The following LHCGR variants were observed in gnomAD, a reference collection of about 807,000 sequenced individuals.
LHCGR encodes the protein lutropin-choriogonadotropic hormone receptor.
Under a neutral mutation model 60.7 loss-of-function variants are expected in LHCGR, and 55 were observed. The ratio of observed to expected loss-of-function variants is 0.91; its 90% CI spans 0.73 to 1.13. LHCGR has a LOEUF of 1.13. LHCGR is among the 50% of genes most tolerant of loss of function. The pLI, the probability that LHCGR is intolerant of heterozygous loss-of-function variation, is 0.00. For synonymous variants in LHCGR, 337 were observed against 316.5 expected, an observed-to-expected ratio of 1.06 and a Z score of -0.69; for missense variants, 862 against 836.0, an observed-to-expected ratio of 1.03 and a Z score of -0.38.
intron 1 of LHCGR, among the ~76,000 whole-genome samples, chr2:48,750,810 C>T (rs576986365): frequency 6.6e-6 from 1 of 152,300 alleles, no homozygotes; most frequent in East Asian, 1.9e-4. Context: ...AGGAATTTCC[C>T]CCTGCCCCCT....
At chr2:48,706,128 G>A (rs751020586) in intron 8 of LHCGR, among the ~76,000 whole-genome samples, 2 of 152,138 alleles carry the variant, frequency 1.3e-5, no homozygotes, top group Non-Finnish European at 2.9e-5. Flanking sequence ...GTCTGTAAAG[G>A]ATTTTATTTC....
intron 1 of LHCGR, among the ~76,000 whole-genome samples, chr2:48,743,944 C>T (rs1478390565): frequency 6.7e-6 from 1 of 150,158 alleles, no homozygotes; most frequent in African/African-American, 2.5e-5. Context: ...TCTAGAAAAC[C>T]CCATTGTCTC....
intron 1 of LHCGR, among the ~76,000 whole-genome samples, chr2:48,749,313 C>G (rs1161098366): frequency 6.6e-6 from 1 of 152,140 alleles, no homozygotes; most frequent in African/African-American, 2.4e-5. Flanking sequence ...GCCCACCTGC[C>G]TGGTGGGAGG....
intron 1 of LHCGR, among the ~76,000 whole-genome samples, chr2:48,748,232 G>A (rs1669798373): frequency 6.6e-6 from 1 of 152,212 alleles, no homozygotes; most frequent in African/African-American, 2.4e-5. Flanking sequence ...GGAGGGCAGA[G>A]ATGGTATCTT....
At chr2:48,755,390 G>T in intron 1 of LHCGR, 121 bp downstream of exon 1, 1 of 680,112 alleles carries the variant, frequency 1.5e-6, no homozygotes, top group South Asian at 1.9e-5. Context: ...ATTTGATAGG[G>T]CAAAGCGTTT....
intron 1 of LHCGR, among the ~76,000 whole-genome samples, chr2:48,735,969 G>T (rs1669190194): frequency 6.6e-6 from 1 of 152,108 alleles, no homozygotes; most frequent in African/African-American, 2.4e-5. Flanking sequence ...ATGAGATCTG[G>T]TTGTTTAAAA....
intron 9 of LHCGR, among the ~76,000 whole-genome samples, chr2:48,697,861 G>A (rs1667200975): frequency 6.6e-6 from 1 of 152,114 alleles, no homozygotes; most frequent in African/African-American, 2.4e-5. Flanking sequence ...AGTAAAATAA[G>A]AAAATATCAG....
At chr2:48,739,634 G>A (rs1434914701) in intron 1 of LHCGR, among the ~76,000 whole-genome samples, 1 of 151,884 alleles carries the variant, frequency 6.6e-6, no homozygotes, top group Non-Finnish European at 1.5e-5. Flanking sequence ...GACACAGGAA[G>A]GGGAACATCA....
At chr2:48,692,469 C>T (rs1666900293) in intron 10 of LHCGR, among the ~76,000 whole-genome samples, 1 of 152,188 alleles carries the variant, frequency 6.6e-6, no homozygotes, top group Non-Finnish European at 1.5e-5. Context: ...GGACTAAATG[C>T]CCACCTGCTG....
At position 48,687,476 on chromosome 2, in the gene LHCGR, C is replaced by T. The variant is rs62137532; in HGVS notation, c.*221G>A. ...CAAAATTTCTATAAAAATTTCTAAA[C>T]ACTCTCAACTTCAGTATTTATGCCA... On this transcript the variant is annotated 3_prime_UTR_variant, in exon 11 of 11. Coordinates refer to ENST00000294954, the MANE Select transcript of LHCGR (RefSeq NM_000233.4). 1 of 443,810 alleles carries T rather than the reference C, an allele frequency of 2.3e-6. No individual in the cohort carries two copies. Among genetic ancestry groups the T allele is most frequent in the Non-Finnish European group, 4.0e-6 (1 of 250,912 alleles). The allele number at this position is 443,810 out of a possible 1,614,324, so 27.5% of individuals were successfully genotyped here.
intron 4 of LHCGR, among the ~76,000 whole-genome samples, chr2:48,724,514 G>T (rs931285183): frequency 3.3e-5 from 5 of 152,164 alleles, no homozygotes; most frequent in Non-Finnish European, 2.9e-5. Flanking sequence ...TTATCCAAAA[G>T]CCCAGGTCAC....
Position 48,698,708 on chromosome 2 carries a change from T to A in LHCGR, c.773A>T (p.Lys258Ile). 1.9e-6 allele frequency: 3 copies of A among 1,614,134 alleles called. No individual in the cohort carries two copies. Among genetic ancestry groups the A allele is most frequent in the South Asian group, 2.2e-5 (2 of 91,078 alleles). ...GACAAATGTTTCTCTTGATGGCAAT[T>A]TTTTTAGAGAATAGGATGACGTGGC... ...LIATSSYSLK[K>I]LPSRETFVNL... The change falls in exon 9 of 11, where the codon AAA becomes ATA. Residue 258 changes from lysine (K) to isoleucine (I), a missense_variant. Lys to Ile is a moderately radical substitution (Grantham distance 102). Transcript: ENST00000294954.
intron 8 of LHCGR, among the ~76,000 whole-genome samples, chr2:48,702,478 G>C (rs904410966): frequency 6.6e-6 from 1 of 151,674 alleles, no homozygotes; most frequent in Non-Finnish European, 1.5e-5. Flanking sequence ...TGTTCTCATT[G>C]ATCAACTCCC....
intron 7 of LHCGR, among the ~76,000 whole-genome samples, chr2:48,710,257 AGAATCAACT>A (rs1234391568): frequency 6.6e-6 from 1 of 152,238 alleles, no homozygotes; most frequent in Non-Finnish European, 1.5e-5. Flanking sequence ...TGAGATTGTC[AGAATCAACT>A]GCTGTTTAAA....
chr2:48,739,822 A>G (rs1669356532), intron 1 of LHCGR, among the ~76,000 whole-genome samples: 1 of 152,186 alleles, frequency 6.6e-6, no homozygotes. Context: ...TTAAAAAAAA[A>G]GGTCCGACAA....
intron 1 of LHCGR, among the ~76,000 whole-genome samples, chr2:48,743,382 C>A (rs1478337692): frequency 6.6e-6 from 1 of 152,282 alleles, no homozygotes; most frequent in Admixed American, 6.5e-5. Context: ...TGGGCAGAGA[C>A]ACAACCAAAA....
rs572655069 is a variant in LHCGR, at chr2:48,719,133, T to C, written c.536+4323A>G. On this transcript the variant is annotated intron_variant, in intron 6 of 10. Transcript: ENST00000294954. Reference sequence around the variant, plus strand: ...GTCAGGAGATCAAGACCATCCTGGCTAACACAGTGAAACTCCATCTCTATT... The same window carrying C: ...GTCAGGAGATCAAGACCATCCTGGCCAACACAGTGAAACTCCATCTCTATT... Among the ~76,000 whole-genome samples, 7 of 151,276 alleles carry C rather than the reference T, an allele frequency of 4.6e-5. No homozygotes were observed. In the South Asian group the frequency reaches 1.1e-3, roughly 23 times the overall value.
intron 9 of LHCGR, among the ~76,000 whole-genome samples, chr2:48,698,293 T>G: frequency 6.6e-6 from 1 of 152,360 alleles, no homozygotes; most frequent in East Asian, 1.9e-4. Context: ...TGATGCTCTC[T>G]GATAAGGATT....
Position 48,755,619 on chromosome 2 carries a change from T to TGCAGCG in LHCGR, c.52_53insCGCTGC (p.Leu17_Gln18insProLeu). ...GCGCAGCGCTCGTGGCAGCGGCGGC[T>TGCAGCG]GCAGCAGCAGCAGCAGCTTCAGCAG... On this transcript the variant is annotated inframe_insertion, in exon 1 of 11. Coordinates refer to ENST00000294954, the MANE Select transcript of LHCGR (RefSeq NM_000233.4). 1 of 1,531,296 alleles carries TGCAGCG rather than the reference T, an allele frequency of 6.5e-7. No individual in the cohort carries two copies. Among genetic ancestry groups the TGCAGCG allele is most frequent in the Non-Finnish European group, 8.8e-7 (1 of 1,141,792 alleles). 94.9% of individuals were successfully genotyped at this position (1,531,296 alleles called of 1,614,324 possible).
Sources: gnomAD v4.1 joint callset for allele counts (sites outside exome capture counted in the v4.1 genomes callset) on GRCh38, gnomAD v4.1.1 for gene constraint, MANE v1.5 for transcripts, NCBI Gene and HGNC (gene_info 2026-07-23, HGNC 2026-07-21) for gene names.